SETDB2: variants seen among roughly 807,000 people sequenced by gnomAD.
SETDB2 encodes SET domain bifurcated histone lysine methyltransferase 2.
A neutral mutation model predicts 82.5 loss-of-function variants in SETDB2; 56 were observed. That is an observed-to-expected ratio of 0.68 (90% CI 0.55 to 0.85). The LOEUF (loss-of-function observed/expected upper bound fraction) is 0.85. Among genes scored for constraint, SETDB2 ranks in the 40% least tolerant of loss-of-function variants. The pLI, the probability that SETDB2 is intolerant of heterozygous loss-of-function variation, is 0.00. For missense variants in SETDB2, 677 were observed against 816.4 expected (o/e 0.83, Z 2.08); for synonymous variants, 272 against 284.9 (o/e 0.95, Z 0.46).
intron 1 of SETDB2, among the ~76,000 whole-genome samples, chr13:49,450,283 CTTGTTTCCTT>C (rs936422608): frequency 3.3e-5 from 5 of 152,040 alleles, no homozygotes; most frequent in African/African-American, 1.2e-4. Flanking sequence ...TTTGCCTCCT[CTTGTTTCCTT>C]GCTCTGTGTT....
At chr13:49,472,071 A>AT (rs1244200975) in intron 5 of SETDB2, among the ~76,000 whole-genome samples, 2 of 150,624 alleles carry the variant, frequency 1.3e-5, no homozygotes, top group African/African-American at 2.4e-5. Context: ...GCACCCAACC[A>AT]TTTTTTTTAA....
Position 49,482,899 on chromosome 13 carries a change from C to A in SETDB2, c.1319C>A (p.Pro440His). The change falls in exon 9 of 14, where the codon CCT becomes CAT. Residue 440 changes from proline to histidine, a missense_variant. Transcript: ENST00000611815. ...CTCCCATTAGGATTGGAAACACATC[C>A]TAGAACTGCTAAAACTGAGAAATGT... Reference protein sequence around the residue: ...EVLPLGLETHPRTAKTEKCPP... With the variant: ...EVLPLGLETHHRTAKTEKCPP... 6.2e-7 allele frequency: 1 copy of A among 1,613,392 alleles called. No homozygotes were observed. Among genetic ancestry groups the A allele is most frequent in the Non-Finnish European group, 8.5e-7 (1 of 1,179,670 alleles).
intron 1 of SETDB2, chr13:49,446,474 C>T (rs1594121078): frequency 4.5e-6 from 2 of 441,416 alleles, no homozygotes; most frequent in East Asian, 7.0e-5. Context: ...TTTTTTAATA[C>T]TTACACCTTT....
chr13:49,477,121 G>T, intron 6 of SETDB2, 82 bp downstream of exon 6: 2 of 1,286,670 alleles, frequency 1.6e-6, no homozygotes, highest in Admixed American at 5.2e-5. Flanking sequence ...GTATTAATTT[G>T]TCTATCTAAA....
chr13:49,449,613 TTA>T (rs1957751791), intron 1 of SETDB2, among the ~76,000 whole-genome samples: 1 of 152,192 alleles, frequency 6.6e-6, no homozygotes, highest in Non-Finnish European at 1.5e-5. Flanking sequence ...GTTCTTAAAT[TTA>T]TGTTTTCTTA....
At position 49,480,319 on chromosome 13, in the gene SETDB2, A is replaced by G. The variant is rs759557842; in HGVS notation, c.970A>G (p.Arg324Gly). ...TTGYKYKRLQ[R>G]QIPTGIYECS... is the part of the protein sequence containing the mutation. ...TGGATATAAATATAAAAGACTACAGAGACAGATTCCTACTGGGTAAGGTAC... is the reference window on the plus strand; with the variant it reads ...TGGATATAAATATAAAAGACTACAGGGACAGATTCCTACTGGGTAAGGTAC... Residue 324 changes from arginine (R) to glycine (G), a missense_variant, in exon 7 of 14, where the codon AGA becomes GGA. Transcript: ENST00000611815. 9 of 1,599,382 alleles carry G rather than the reference A, an allele frequency of 5.6e-6. No homozygotes were observed. The Admixed American group carries it at 8.8e-5, about 16-fold the overall frequency.
chr13:49,473,265 C>T (rs561715410), intron 5 of SETDB2, among the ~76,000 whole-genome samples: 43 of 152,038 alleles, frequency 2.8e-4, no homozygotes, highest in African/African-American at 9.4e-4. Context: ...AATTCATACC[C>T]GAGGCCAGGT....
chr13:49,491,220 AT>A (rs2139004213), intron 13 of SETDB2, among the ~76,000 whole-genome samples: 1 of 152,346 alleles, frequency 6.6e-6, no homozygotes, highest in East Asian at 1.9e-4. Flanking sequence ...ATAGAAAAAT[AT>A]TTTTTAAAGA....
intron 1 of SETDB2, among the ~76,000 whole-genome samples, chr13:49,449,823 A>G (rs1957755029): frequency 6.6e-6 from 1 of 151,826 alleles, no homozygotes; most frequent in Non-Finnish European, 1.5e-5. Context: ...AATGTGTTTT[A>G]CTCATTTATT....
At chr13:49,466,885 G>A (rs1958127260) in intron 4 of SETDB2, among the ~76,000 whole-genome samples, 1 of 146,828 alleles carries the variant, frequency 6.8e-6, no homozygotes, top group African/African-American at 2.5e-5. Flanking sequence ...TAAACTCCTG[G>A]CCTCAAGTAA....
chr13:49,468,230 G>A (rs1018529245), intron 5 of SETDB2, among the ~76,000 whole-genome samples: 1 of 152,078 alleles, frequency 6.6e-6, no homozygotes, highest in African/African-American at 2.4e-5. Flanking sequence ...ACCAAGTAGT[G>A]TGTTTTTGTT....
intron 6 of SETDB2, among the ~76,000 whole-genome samples, chr13:49,479,544 T>C (rs1214878482): frequency 6.6e-6 from 1 of 152,188 alleles, no homozygotes; most frequent in Non-Finnish European, 1.5e-5. Context: ...GAAAAGACCT[T>C]AAAGTCACTT....
chr13:49,470,133 A>G (rs189470725), intron 5 of SETDB2, among the ~76,000 whole-genome samples: 86 of 152,318 alleles, frequency 5.6e-4, no homozygotes, highest in Non-Finnish European at 8.5e-4. Flanking sequence ...CTTCCAAGAA[A>G]AATTGAGTTG....
intron 5 of SETDB2, among the ~76,000 whole-genome samples, chr13:49,474,914 T>G (rs1958324497): frequency 6.6e-6 from 1 of 152,260 alleles, no homozygotes; most frequent in Non-Finnish European, 1.5e-5. Context: ...ATGTGCCCAC[T>G]GGCTACCATA....
intron 5 of SETDB2, among the ~76,000 whole-genome samples, chr13:49,471,195 G>A (rs771091019): frequency 6.6e-6 from 1 of 150,604 alleles, no homozygotes; most frequent in East Asian, 1.9e-4. Flanking sequence ...CAGGCAGGTC[G>A]TGAACTCCTA....
chr13:49,483,254 A>G (rs971515507), intron 9 of SETDB2, among the ~76,000 whole-genome samples: 1 of 152,084 alleles, frequency 6.6e-6, no homozygotes, highest in African/African-American at 2.4e-5. Context: ...CAAAGTTTTC[A>G]TAGGTTCTCT....
intron 2 of SETDB2, among the ~76,000 whole-genome samples, chr13:49,456,079 A>G (rs940014197): frequency 6.6e-6 from 1 of 152,106 alleles, no homozygotes; most frequent in Non-Finnish European, 1.5e-5. Flanking sequence ...TCCTAATATT[A>G]TTTTTTAAAT....
chr13:49,464,669 T>C (rs1958065524), intron 4 of SETDB2, among the ~76,000 whole-genome samples: 1 of 152,238 alleles, frequency 6.6e-6, no homozygotes, highest in Admixed American at 6.5e-5. Flanking sequence ...TAAGAGTATA[T>C]TTATTTGCTA....
At chr13:49,466,453 A>C (rs1958115790) in intron 4 of SETDB2, among the ~76,000 whole-genome samples, 1 of 151,864 alleles carries the variant, frequency 6.6e-6, no homozygotes. Flanking sequence ...AAAAAAAAAA[A>C]ATGTGGAGTC....
Sources: allele counts gnomAD v4.1 joint callset (sites outside exome capture counted in the v4.1 genomes callset), GRCh38; gene constraint gnomAD v4.1.1; transcripts MANE v1.5; gene names NCBI Gene and HGNC (gene_info 2026-07-23, HGNC 2026-07-21).